The following FHIT variants were observed in gnomAD, a reference collection of about 807,000 sequenced individuals.
The protein encoded by FHIT is fragile histidine triad diadenosine triphosphatase.
A neutral mutation model predicts 17.9 loss-of-function variants in FHIT; 19 were observed. The observed-to-expected ratio is 1.06, with a 90% CI of 0.74 to 1.56. FHIT has a LOEUF of 1.56. Ranked by LOEUF, FHIT falls within the 40% of genes most tolerant of loss-of-function variation. The probability of loss-of-function intolerance (pLI) is 0.00; values close to 1 mark genes in which losing one functional copy is unlikely to be tolerated. For missense variants in FHIT, 248 were observed against 189.2 expected (o/e 1.31, Z -1.82); for synonymous variants, 81 against 69.7 (o/e 1.16, Z -0.81).
intron 7 of FHIT, among the ~76,000 whole-genome samples, chr3:59,973,233 T>C (rs965439476): frequency 1.3e-5 from 2 of 152,174 alleles, no homozygotes; most frequent in Non-Finnish European, 2.9e-5. Flanking sequence ...AGTGACGCTC[T>C]TGAAACACAA....
Position 59,886,463 on chromosome 3 carries a change from G to C in FHIT, c.348+35883C>G, listed in dbSNP as rs543485538. On this transcript the variant is annotated intron_variant, in intron 8 of 9. Coordinates refer to ENST00000492590, the MANE Select transcript of FHIT (RefSeq NM_002012.4). ...GGTTTATCTGGCTTATAGTTCTGCA[G>C]GCTGTACGAGAAGCCTGGTATTGGC... Among the ~76,000 whole-genome samples, 20 of 152,334 alleles carry C rather than the reference G, an allele frequency of 1.3e-4. 1 individual carries two copies. The South Asian group carries it at 4.1e-3, about 32-fold the overall frequency.
intron 5 of FHIT, among the ~76,000 whole-genome samples, chr3:60,348,827 T>C (rs1576515585): frequency 6.6e-6 from 1 of 152,332 alleles, no homozygotes; most frequent in East Asian, 1.9e-4. Flanking sequence ...CTATTTGCCA[T>C]CAGCATTAGA....
rs370976055 is a variant in FHIT, at chr3:60,529,532, G to A, written c.103+7328C>T. 3.9e-5 allele frequency among the ~76,000 whole-genome samples: 6 copies of A among 152,256 alleles called. No individual in the cohort carries two copies. In the East Asian group the frequency reaches 9.7e-4, roughly 25 times the overall value. ...TTACATGACACTTCTTATAAATAAT[G>A]ATGTATTATTATTCCATTCATTACT... On this transcript the variant is annotated intron_variant, in intron 5 of 9. Coordinates refer to ENST00000492590, the MANE Select transcript of FHIT (RefSeq NM_002012.4).
At chr3:60,683,531 A>AC (rs2040798481) in intron 4 of FHIT, among the ~76,000 whole-genome samples, 3 of 151,888 alleles carry the variant, frequency 2.0e-5, no homozygotes, top group Admixed American at 1.3e-4. Flanking sequence ...AAGATAACAT[A>AC]TTTTTTTATA....
At chr3:61,183,083 C>T (rs1003429484) in intron 2 of FHIT, among the ~76,000 whole-genome samples, 7 of 152,196 alleles carry the variant, frequency 4.6e-5, no homozygotes, top group Non-Finnish European at 8.8e-5. Context: ...TGGGGAGACA[C>T]AGTAGTAGAG....
intron 4 of FHIT, among the ~76,000 whole-genome samples, chr3:60,720,653 T>G (rs1559668791): frequency 6.6e-6 from 1 of 152,128 alleles, no homozygotes; most frequent in Non-Finnish European, 1.5e-5. Context: ...CTCTAGGTGG[T>G]GGGACCCATG....
intron 5 of FHIT, among the ~76,000 whole-genome samples, chr3:60,429,235 C>G (rs1257400267): frequency 1.3e-5 from 2 of 151,800 alleles, no homozygotes; most frequent in African/African-American, 4.8e-5. Flanking sequence ...TTATAAATAC[C>G]TTCTTTAAGT....
chr3:59,789,022 G>A (rs537274637), intron 8 of FHIT, among the ~76,000 whole-genome samples: 1 of 152,038 alleles, frequency 6.6e-6, no homozygotes, highest in South Asian at 2.1e-4. Context: ...TAGTGATATC[G>A]CACTGCGTGC....
chr3:61,067,951 A>G (rs1364034665), intron 2 of FHIT, among the ~76,000 whole-genome samples: 1 of 152,210 alleles, frequency 6.6e-6, no homozygotes, highest in Non-Finnish European at 1.5e-5. Context: ...TGGGAATTCT[A>G]TTATTGTATA....
chr3:60,131,075 G>GTATACACATA (rs1318667047), intron 5 of FHIT, among the ~76,000 whole-genome samples: 12 of 41,486 alleles, frequency 2.9e-4, no homozygotes, highest in African/African-American at 1.6e-3. Context: ...ATGTATGTAT[G>GTATACACATA]TATACACATA....
intron 5 of FHIT, among the ~76,000 whole-genome samples, chr3:60,336,803 G>C (rs1710261200): frequency 6.6e-6 from 1 of 151,130 alleles, no homozygotes; most frequent in Admixed American, 6.6e-5. Context: ...CTTAAAGAGA[G>C]AAGCAAATAG....
chr3:61,055,077 T>C (rs941237293), intron 2 of FHIT, among the ~76,000 whole-genome samples: 1 of 148,528 alleles, frequency 6.7e-6, no homozygotes, highest in Admixed American at 6.7e-5. Flanking sequence ...ACCACAGTTG[T>C]TGTTAGTATC....
intron 3 of FHIT, among the ~76,000 whole-genome samples, chr3:61,035,694 G>A (rs1476837651): frequency 7.2e-5 from 11 of 152,098 alleles, no homozygotes; most frequent in Admixed American, 7.2e-4. Flanking sequence ...ATTCCTGAGG[G>A]TTTAAAATTC....
At chr3:61,127,046 G>A (rs902130240) in intron 2 of FHIT, among the ~76,000 whole-genome samples, 1 of 152,226 alleles carries the variant, frequency 6.6e-6, no homozygotes, top group Admixed American at 6.5e-5. Flanking sequence ...GGCCTTGTAA[G>A]CCACCATCAT....
chr3:61,181,527 G>A (rs1326390362), intron 2 of FHIT, among the ~76,000 whole-genome samples: 1 of 152,166 alleles, frequency 6.6e-6, no homozygotes, highest in African/African-American at 2.4e-5. Flanking sequence ...AGAGAGCCCA[G>A]GATGTCACCT....
intron 4 of FHIT, among the ~76,000 whole-genome samples, chr3:60,718,424 C>T (rs1373755412): frequency 6.6e-6 from 1 of 152,144 alleles, no homozygotes. Flanking sequence ...CACAACTCAC[C>T]CCTTCCAGAC....
chr3:60,050,247 T>C (rs1321140051), intron 5 of FHIT, among the ~76,000 whole-genome samples: 1 of 152,236 alleles, frequency 6.6e-6, no homozygotes, highest in Non-Finnish European at 1.5e-5. Flanking sequence ...TGTACTTTGT[T>C]CATTTTTCCC....
intron 4 of FHIT, among the ~76,000 whole-genome samples, chr3:60,789,823 C>A (rs1553728035): frequency 6.6e-6 from 1 of 152,134 alleles, no homozygotes; most frequent in Non-Finnish European, 1.5e-5. Context: ...AACAATTATA[C>A]TGTTAATAAT....
At chr3:60,540,771 A>G (rs374291389) in intron 4 of FHIT, among the ~76,000 whole-genome samples, 88 of 152,346 alleles carry the variant, frequency 5.8e-4, no homozygotes, top group African/African-American at 2.1e-3. Flanking sequence ...TACTATGGAC[A>G]CACCCACATA....
Sources: allele counts gnomAD v4.1 joint callset (sites outside exome capture counted in the v4.1 genomes callset), GRCh38; gene constraint gnomAD v4.1.1; transcripts MANE v1.5; gene names NCBI Gene and HGNC (gene_info 2026-07-23, HGNC 2026-07-21).